The following PRMT8 variants were observed in gnomAD, a reference collection of about 807,000 sequenced individuals.
PRMT8 encodes the protein protein arginine methyltransferase 8.
Under a neutral mutation model 47.1 loss-of-function variants are expected in PRMT8, and 7 were observed. That is an observed-to-expected ratio of 0.15 (90% CI 0.08 to 0.28). The LOEUF (loss-of-function observed/expected upper bound fraction) is 0.28, where lower values mean the gene tolerates loss of function less well. Ranked by LOEUF, PRMT8 falls within the 10% of genes least tolerant of loss-of-function variation. PRMT8 has a pLI of 1.00. For missense variants in PRMT8, 237 were observed against 505.4 expected (o/e 0.47, Z 5.09); for synonymous variants, 188 against 186.5 (o/e 1.01, Z -0.07).
intron 1 of PRMT8, among the ~76,000 whole-genome samples, chr12:3,517,274 G>A (rs1173554225): frequency 6.6e-6 from 1 of 152,184 alleles, no homozygotes; most frequent in Non-Finnish European, 1.5e-5. Context: ...CCTTGGGTTT[G>A]GATGGGTGAC....
chr12:3,460,304 T>G (rs1565413328), intron 1 of PRMT8, among the ~76,000 whole-genome samples: 1 of 152,206 alleles, frequency 6.6e-6, no homozygotes, highest in Non-Finnish European at 1.5e-5. Flanking sequence ...GGTTGTCTTC[T>G]TTTAAAGAGT....
intron 3 of PRMT8, chr12:3,553,398 G>A: frequency 1.7e-6 from 1 of 576,818 alleles, no homozygotes; most frequent in South Asian, 2.1e-5. Flanking sequence ...CTCCAGCACA[G>A]AGATCAATCC....
intron 1 of PRMT8, among the ~76,000 whole-genome samples, chr12:3,483,435 C>T (rs1246240477): frequency 6.9e-6 from 1 of 144,254 alleles, no homozygotes; most frequent in Non-Finnish European, 1.5e-5. Context: ...TTTAAAATGT[C>T]ACTTAACCAT....
chr12:3,518,385 G>C (rs957362411), intron 1 of PRMT8, among the ~76,000 whole-genome samples: 1 of 137,792 alleles, frequency 7.3e-6, no homozygotes. Flanking sequence ...ACAAGTACTA[G>C]AGTTAGGAAT....
chr12:3,517,350 C>T (rs556296482), intron 1 of PRMT8, among the ~76,000 whole-genome samples: 89 of 152,220 alleles, frequency 5.8e-4, no homozygotes, highest in African/African-American at 1.8e-3. Flanking sequence ...AGTCTCTGGC[C>T]GAGAGGGGAG....
At chr12:3,497,798 A>G (rs1865531968) in intron 1 of PRMT8, among the ~76,000 whole-genome samples, 2 of 152,222 alleles carry the variant, frequency 1.3e-5, no homozygotes, top group African/African-American at 4.8e-5. Flanking sequence ...GTGTAATTTT[A>G]TATTGAGCAA....
intron 6 of PRMT8, chr12:3,574,196 G>A (rs1334087172): frequency 1.3e-5 from 2 of 152,240 alleles, no homozygotes; most frequent in Admixed American, 6.5e-5. Context: ...TGTACTATGG[G>A]TGTTGAGGGT....
intron 1 of PRMT8, among the ~76,000 whole-genome samples, chr12:3,515,796 G>C (rs1865783031): frequency 6.6e-6 from 1 of 152,234 alleles, no homozygotes; most frequent in South Asian, 2.1e-4. Context: ...AGGCTGCCTT[G>C]ACACCCATGC....
At chr12:3,491,163 C>T, upstream of PRMT8, 1 of 986,642 alleles carries the variant, frequency 1.0e-6, no homozygotes, top group Non-Finnish European at 1.2e-6. Context: ...CCCCCACTCA[C>T]CCGGCTCAGC....
At chr12:3,392,014 G>A (rs983369399) in intron 1 of PRMT8, among the ~76,000 whole-genome samples, 1 of 152,100 alleles carries the variant, frequency 6.6e-6, no homozygotes, top group Non-Finnish European at 1.5e-5. Flanking sequence ...AGGAACAGGA[G>A]CAAAGGGTTG....
rs758240587 is a variant in PRMT8 at position 3,572,005 on chromosome 12, G to T, written c.712+2441G>T. 5.3e-5 allele frequency among the ~76,000 whole-genome samples: 8 copies of T among 152,158 alleles called. No individual in the cohort carries two copies. The highest frequency in any genetic ancestry group is 1.0e-4 in the Non-Finnish European group (7 of 68,016). Reference sequence around the variant, plus strand: ...TTCAGCCCCTTTCAGAAAGTAAGTTGTTAGAGGGAGAGCTTTCTTTCCTTT... The same window carrying T: ...TTCAGCCCCTTTCAGAAAGTAAGTTTTTAGAGGGAGAGCTTTCTTTCCTTT... On this transcript the variant is annotated intron_variant, in intron 6 of 9. Coordinates refer to ENST00000382622, the MANE Select transcript of PRMT8 (RefSeq NM_019854.5). The surrounding 1 kb of genome is among the most constrained non-coding windows in gnomAD (Gnocchi z 5.9).
chr12:3,447,504 G>T (rs945130097), intron 1 of PRMT8, among the ~76,000 whole-genome samples: 3 of 151,952 alleles, frequency 2.0e-5, no homozygotes, highest in South Asian at 4.2e-4. Context: ...AGTGCCTCTC[G>T]CACTCAGTCA....
rs1004215700 is a variant in PRMT8, at chr12:3,508,263, C to T, written c.75+16563C>T. Among the ~76,000 whole-genome samples the T allele has an allele frequency of 6.6e-6, 1 of 152,142 alleles. No homozygotes were observed. Among genetic ancestry groups the T allele is most frequent in the Non-Finnish European group, 1.5e-5 (1 of 68,032 alleles). On this transcript the variant is annotated intron_variant, in intron 1 of 9. Transcript: ENST00000382622. This position sits in a 1 kb window ranked among gnomAD's most constrained non-coding sequence, Gnocchi z 4.9. ...TAAATGACCTATTCCAGACAGACTG[C>T]AGGGTGTCGGGATGTTTCTGTGTGG...
At chr12:3,520,048 C>T (rs1037549349) in intron 1 of PRMT8, among the ~76,000 whole-genome samples, 4 of 152,142 alleles carry the variant, frequency 2.6e-5, no homozygotes, top group African/African-American at 4.8e-5. Flanking sequence ...TCTGCCGAGA[C>T]GCTTTGAGGT....
rs1366246723 is a variant in PRMT8, at chr12:3,436,172, C to T, written c.48+54730C>T. Among the ~76,000 whole-genome samples, 1 of 152,150 alleles carries T rather than the reference C, an allele frequency of 6.6e-6. No homozygotes were observed. Among genetic ancestry groups the T allele is most frequent in the Non-Finnish European group, 1.5e-5 (1 of 68,024 alleles). ...TGCTTATAAAAAAGTCAAGTCGTCCCCTCCCGTTTGTGACCTTGTGAGGAT... is the reference window on the plus strand; with the variant it reads ...TGCTTATAAAAAAGTCAAGTCGTCCTCTCCCGTTTGTGACCTTGTGAGGAT... On this transcript the variant is annotated intron_variant, in intron 1 of 9. Coordinates refer to the PRMT8 transcript ENST00000452611. The surrounding 1 kb of genome is among the most constrained non-coding windows in gnomAD (Gnocchi z 4.2).
intron 1 of PRMT8, among the ~76,000 whole-genome samples, chr12:3,414,041 G>A (rs940550405): frequency 3.9e-5 from 6 of 152,182 alleles, no homozygotes; most frequent in African/African-American, 1.4e-4. Flanking sequence ...CAAATTGTTA[G>A]TAGTGGTTCT....
At position 3,492,182 on chromosome 12, in the gene PRMT8, C is replaced by T. The variant is rs868260356; in HGVS notation, c.75+482C>T. Among the ~76,000 whole-genome samples, 11 of 152,128 alleles carry T rather than the reference C, an allele frequency of 7.2e-5. No individual in the cohort carries two copies. Among genetic ancestry groups the T allele is most frequent in the Middle Eastern group, 6.8e-3 (2 of 294 alleles). On this transcript the variant is annotated intron_variant, in intron 1 of 9. Coordinates refer to ENST00000382622, the MANE Select transcript of PRMT8 (RefSeq NM_019854.5). This position sits in a 1 kb window ranked among gnomAD's most constrained non-coding sequence, Gnocchi z 7.5. ...TCAGCTTTACCCTTCAAGCTCGAGT[C>T]GGTTCCCGAGCTCTCCGTCCCCGCA...
chr12:3,435,615 G>A (rs570791251), intron 1 of PRMT8, among the ~76,000 whole-genome samples: 16 of 149,848 alleles, frequency 1.1e-4, no homozygotes, highest in African/African-American at 3.4e-4. Context: ...TCCGCCTCCC[G>A]GGTTCATGCC....
intron 1 of PRMT8, among the ~76,000 whole-genome samples, chr12:3,516,823 G>C (rs887091284): frequency 6.6e-6 from 1 of 151,564 alleles, no homozygotes; most frequent in Admixed American, 6.6e-5. Flanking sequence ...CCTTAGTTGC[G>C]CTCATCCAAA....
Sources: allele counts gnomAD v4.1 joint callset (sites outside exome capture counted in the v4.1 genomes callset), GRCh38; gene constraint gnomAD v4.1.1; non-coding constraint Gnocchi (gnomAD v3.1); transcripts MANE v1.5; gene names NCBI Gene and HGNC (gene_info 2026-07-23, HGNC 2026-07-21).